LYST: variants seen among roughly 807,000 people sequenced by gnomAD.
LYST encodes the protein lysosomal-trafficking regulator.
A neutral mutation model predicts 413.6 loss-of-function variants in LYST; 192 were observed. The observed-to-expected ratio is 0.46, with a 90% confidence interval of 0.41 to 0.52. The LOEUF is 0.52. LYST is among the 20% of genes least tolerant of loss of function. LYST has a pLI of 0.00. For missense variants in LYST, 3,815 were observed against 4,499.9 expected (o/e 0.85, Z 4.35); for synonymous variants, 1,525 against 1,567.3 (o/e 0.97, Z 0.64).
At position 235,712,874 on chromosome 1, in the gene LYST, A is replaced by T. The variant is rs901488138; in HGVS notation, c.9785-677T>A. On this transcript the variant is annotated intron_variant, in intron 42 of 52. Coordinates refer to ENST00000389793, the MANE Select transcript of LYST (RefSeq NM_000081.4). ...AGTTTGGACTCTCTTTTCTGCCAAC[A>T]ATGATCAGACTTTCTAGCCATAGGG... 4.5e-5 allele frequency: 44 copies of T among 985,184 alleles called. No individual in the cohort carries two copies. The African/African-American group carries it at 7.5e-4, about 17-fold the overall frequency. 61.0% of individuals were successfully genotyped at this position (985,184 alleles called of 1,614,324 possible). A position where few individuals can be genotyped will look rare whatever the true frequency, so the allele number is the denominator to read the frequency against.
Position 235,696,988 on chromosome 1 carries a change from C to T in LYST, c.10564+95G>A, listed in dbSNP as rs1025150478. ...ACCACAAATTTGAGCTGAGTTTTTC[C>T]ACCAAGGACTCAAAGTAGCAGCACA... On this transcript the variant is annotated intron_variant, in intron 46 of 52. Transcript: ENST00000389793. The T allele has an allele frequency of 2.5e-6, 3 of 1,215,926 alleles. No individual in the cohort carries two copies. The African/African-American group carries it at 4.5e-5, about 18-fold the overall frequency. The allele number at this position is 1,215,926 out of a possible 1,614,324, so 75.3% of individuals were successfully genotyped here. A position where few individuals can be genotyped will look rare whatever the true frequency, so the allele number is the denominator to read the frequency against.
chr1:235,844,224 T>C (rs140579608), intron 1 of LYST, among the ~76,000 whole-genome samples: 60 of 152,016 alleles, frequency 3.9e-4, no homozygotes, highest in African/African-American at 1.4e-3. Context: ...AGATCTCATA[T>C]AGTCTTTACA....
At chr1:235,793,362 T>C (rs924715650) in intron 11 of LYST, 141 bp downstream of exon 11, 34 of 519,850 alleles carry the variant, frequency 6.5e-5, no homozygotes, top group Non-Finnish European at 1.1e-4. Flanking sequence ...TCACACATAA[T>C]AACATGAAAT....
intron 17 of LYST, 25 bp downstream of exon 17, chr1:235,777,038 C>T: frequency 6.2e-7 from 1 of 1,607,842 alleles, no homozygotes; most frequent in Non-Finnish European, 8.5e-7. Flanking sequence ...TCTCTTTAGA[C>T]AAAACTATAA....
At chr1:235,862,846 C>CAG (rs1680060444) in intron 1 of LYST, among the ~76,000 whole-genome samples, 1 of 145,566 alleles carries the variant, frequency 6.9e-6, no homozygotes, top group African/African-American at 2.7e-5. Flanking sequence ...CACACACACA[C>CAG]ACCCCTTCAA....
At chr1:235,783,615 T>C (rs746733357) in intron 14 of LYST, among the ~76,000 whole-genome samples, 13 of 152,066 alleles carry the variant, frequency 8.5e-5, no homozygotes, top group Non-Finnish European at 1.3e-4. Flanking sequence ...AACCTGCACG[T>C]TCTGCACATG....
rs755541761 is a variant in LYST, at chr1:235,752,119, T to C, written c.7513A>G (p.Ile2505Val). ...CTGCAAGCATGAATTGTAACTGCTATGAAAAGTTGCTGTATATCACAAGCA... is the reference window on the plus strand; with the variant it reads ...CTGCAAGCATGAATTGTAACTGCTACGAAAAGTTGCTGTATATCACAAGCA... ...LLACDIQQLFIAVTIHACSSS... is the reference protein window; with the variant it reads ...LLACDIQQLFVAVTIHACSSS... Residue 2505 changes from isoleucine to valine, a missense_variant, in exon 27 of 53, where the codon ATA becomes GTA. Coordinates refer to ENST00000389793, the MANE Select transcript of LYST (RefSeq NM_000081.4). 1.2e-6 allele frequency: 2 copies of C among 1,611,724 alleles called. No homozygotes were observed. Among genetic ancestry groups the C allele is most frequent in the South Asian group, 1.1e-5 (1 of 91,028 alleles).
chr1:235,722,364 G>T (rs1474216606), intron 39 of LYST, among the ~76,000 whole-genome samples: 1 of 152,198 alleles, frequency 6.6e-6, no homozygotes, highest in East Asian at 1.9e-4. Context: ...AATCTGAAGG[G>T]GGGCTAAGGG....
At chr1:235,849,775 C>CAAAA (rs57262471) in intron 1 of LYST, among the ~76,000 whole-genome samples, 1 of 61,828 alleles carries the variant, frequency 1.6e-5, no homozygotes, top group Non-Finnish European at 3.3e-5. Flanking sequence ...ACAATAGCTC[C>CAAAA]AAAAAAAAAA....
At chr1:235,838,184 A>T (rs530077873) in intron 1 of LYST, among the ~76,000 whole-genome samples, 38 of 152,312 alleles carry the variant, frequency 2.5e-4, no homozygotes, top group African/African-American at 8.4e-4. Context: ...GCTGAGAGTG[A>T]GAAGTGGGAA....
At chr1:235,730,267 T>C (rs1664247383) in intron 36 of LYST, among the ~76,000 whole-genome samples, 1 of 151,938 alleles carries the variant, frequency 6.6e-6, no homozygotes, top group Non-Finnish European at 1.5e-5. Flanking sequence ...TAATATATAA[T>C]AACATACTTA....
intron 48 of LYST, among the ~76,000 whole-genome samples, chr1:235,677,824 ATTCTT>A (rs1367828676): frequency 2.6e-5 from 4 of 152,166 alleles, no homozygotes; most frequent in Non-Finnish European, 4.4e-5. Flanking sequence ...ATTTTTGTCT[ATTCTT>A]GTCCAATCTT....
chr1:235,782,409 A>G lies in LYST; in HGVS notation c.4863-322T>C, dbSNP rs7548677. On this transcript the variant is annotated intron_variant, in intron 14 of 52. Coordinates refer to ENST00000389793, the MANE Select transcript of LYST (RefSeq NM_000081.4). The stretch of plus-strand genomic sequence containing the variant: ...AGGATGGTCTCTATCTCCTGACCTC[A>G]TGATCCACCCGCCTTGGCCTCCCAA... Among the ~76,000 whole-genome samples the G allele has an allele frequency of 0.037, 5,635 of 151,804 alleles. 349 individuals carry two copies. The highest frequency in any genetic ancestry group is 0.13 in the African/African-American group (5,333 of 41,344).
intron 2 of LYST, among the ~76,000 whole-genome samples, chr1:235,831,202 G>C (rs959385243): frequency 6.6e-6 from 1 of 152,110 alleles, no homozygotes; most frequent in African/African-American, 2.4e-5. Flanking sequence ...GACATGTATT[G>C]CCTCACCTCC....
At chr1:235,827,363 T>A (rs1398478333) in intron 3 of LYST, 1 of 864,534 alleles carries the variant, frequency 1.2e-6, no homozygotes, top group Non-Finnish European at 1.4e-6. Context: ...AGTGAGACTC[T>A]GTCTCAAAAA....
At chr1:235,883,312 T>G (rs1446105682) in exon 1 of LYST, 2 of 152,618 alleles carry the variant, frequency 1.3e-5, no homozygotes, top group African/African-American at 4.8e-5. Context: ...CTGGGTCTCT[T>G]GTTTGCAGTT....
chr1:235,864,793 G>C (rs1200626931), intron 1 of LYST, among the ~76,000 whole-genome samples: 4 of 152,160 alleles, frequency 2.6e-5, no homozygotes, highest in Non-Finnish European at 4.4e-5. Flanking sequence ...AGCATGGTGG[G>C]TGATGTGTGC....
intron 25 of LYST, among the ~76,000 whole-genome samples, chr1:235,754,693 T>C (rs995821127): frequency 1.6e-4 from 25 of 152,306 alleles, no homozygotes; most frequent in South Asian, 6.2e-4. Flanking sequence ...ATACATTGAT[T>C]TACCTGGAAA....
chr1:235,701,558 G>A (rs1661552786), intron 45 of LYST, among the ~76,000 whole-genome samples: 1 of 152,108 alleles, frequency 6.6e-6, no homozygotes, highest in Non-Finnish European at 1.5e-5. Context: ...AACCCGGGAG[G>A]CAGAGGTTGC....
Sources: gnomAD v4.1 joint callset for allele counts (sites outside exome capture counted in the v4.1 genomes callset) on GRCh38, gnomAD v4.1.1 for gene constraint, MANE v1.5 for transcripts, NCBI Gene and HGNC (gene_info 2026-07-23, HGNC 2026-07-21) for gene names.